Variants in PLEKHG1 observed in about 807,000 individuals in gnomAD.
The protein encoded by PLEKHG1 is pleckstrin homology and RhoGEF domain containing G1, also known as pleckstrin homology domain-containing family G member 1.
PLEKHG1 carries 44 observed loss-of-function variants against 100.8 expected under a neutral mutation model. That is an observed-to-expected ratio of 0.44 (90% CI 0.34 to 0.56). The LOEUF (loss-of-function observed/expected upper bound fraction) is 0.56, where lower values mean the gene tolerates loss of function less well. Ranked by LOEUF, PLEKHG1 falls within the 20% of genes least tolerant of loss-of-function variation. The pLI is 0.01. For missense variants in PLEKHG1, 1,545 were observed against 1,720.9 expected (o/e 0.90, Z 1.81); for synonymous variants, 640 against 662.5 (o/e 0.97, Z 0.52).
At chr6:150,660,706 A>T (rs1779150422) in intron 3 of PLEKHG1, among the ~76,000 whole-genome samples, 1 of 152,244 alleles carries the variant, frequency 6.6e-6, no homozygotes, top group African/African-American at 2.4e-5. Context: ...GGAGCTTTGA[A>T]GGCCTCTTCT....
chr6:150,663,903 A>G (rs1779304528), intron 3 of PLEKHG1: 1 of 152,062 alleles, frequency 6.6e-6, no homozygotes, highest in African/African-American at 2.4e-5. Context: ...TGTACCTTTT[A>G]TCTCCCACTC....
chr6:150,676,808 C>T (rs1779769950), intron 3 of PLEKHG1, among the ~76,000 whole-genome samples: 1 of 152,188 alleles, frequency 6.6e-6, no homozygotes, highest in African/African-American at 2.4e-5. Context: ...GAGTCACCCA[C>T]CACCCTATAA....
intron 2 of PLEKHG1, among the ~76,000 whole-genome samples, chr6:150,738,113 C>T (rs146689516): frequency 6.4e-4 from 98 of 152,250 alleles, no homozygotes; most frequent in African/African-American, 2.3e-3. Flanking sequence ...TGAGCCCAGC[C>T]TTAGCTGGCT....
chr6:150,606,237 A>T (rs1582796140), intron 1 of PLEKHG1, among the ~76,000 whole-genome samples: 2 of 152,214 alleles, frequency 1.3e-5, no homozygotes, highest in Admixed American at 1.3e-4. Flanking sequence ...TTGCAGCCGG[A>T]TAATTCCTTT....
chr6:150,760,348 A>G (rs1024023228), intron 2 of PLEKHG1, among the ~76,000 whole-genome samples: 1 of 152,228 alleles, frequency 6.6e-6, no homozygotes, highest in Non-Finnish European at 1.5e-5. Context: ...GTAAAAAGGT[A>G]GTTTAAAAAA....
At chr6:150,764,113 T>TTTTC (rs1198169589) in intron 2 of PLEKHG1, among the ~76,000 whole-genome samples, 5 of 125,054 alleles carry the variant, frequency 4.0e-5, no homozygotes, top group Non-Finnish European at 6.3e-5. Flanking sequence ...CCTATTTTCT[T>TTTTC]TTTCTTTTTC....
At chr6:150,674,554 C>T (rs1048051516) in intron 3 of PLEKHG1, among the ~76,000 whole-genome samples, 1 of 151,634 alleles carries the variant, frequency 6.6e-6, no homozygotes, top group Non-Finnish European at 1.5e-5. Flanking sequence ...TATAGACCTA[C>T]ACTTATGGCA....
chr6:150,788,898 C>T (rs1327812983), intron 4 of PLEKHG1, among the ~76,000 whole-genome samples: 1 of 152,216 alleles, frequency 6.6e-6, no homozygotes, highest in Non-Finnish European at 1.5e-5. Context: ...CATGCACACA[C>T]ACAAGCATGC....
At chr6:150,787,756 A>G (rs1562519085) in intron 4 of PLEKHG1, among the ~76,000 whole-genome samples, 1 of 152,198 alleles carries the variant, frequency 6.6e-6, no homozygotes, top group Non-Finnish European at 1.5e-5. Flanking sequence ...AGTTCCTTAA[A>G]GGCACAATCC....
At chr6:150,718,909 T>TTG (rs748911795), upstream of PLEKHG1, among the ~76,000 whole-genome samples, 6 of 151,944 alleles carry the variant, frequency 3.9e-5, no homozygotes, top group African/African-American at 7.3e-5. Flanking sequence ...AAAAATGTGT[T>TTG]TGTGTGTGTG....
rs367848337 is a variant in PLEKHG1, at chr6:150,788,538, T to C, written c.582+2079T>C. 2.9e-4 allele frequency among the ~76,000 whole-genome samples: 44 copies of C among 152,324 alleles called. 1 individual carries two copies. Among genetic ancestry groups the C allele is most frequent in the African/African-American group, 9.4e-4 (39 of 41,576 alleles). On this transcript the variant is annotated intron_variant, in intron 4 of 15. Transcript: ENST00000358517. ...ATGGTTGCTTTTTACCTGATGCTCA[T>C]GGAAGAATGAACCCACAGTTCTCCT...
At position 150,745,643 on chromosome 6, in the gene PLEKHG1, G is replaced by A. The variant is rs138575700; in HGVS notation, c.411+11551G>A. 8.3e-3 allele frequency among the ~76,000 whole-genome samples: 1,235 copies of A among 149,532 alleles called. 21 individuals carry two copies. The highest frequency in any genetic ancestry group is 0.029 in the African/African-American group (1,172 of 40,588). On this transcript the variant is annotated intron_variant, in intron 2 of 15. Coordinates refer to ENST00000358517, the Ensembl canonical transcript of PLEKHG1. ...GGTTGCAGTGAGCCTAGATCACGCCGCTGCACTCCAGCCTGGGTGACAGAG... is the reference window on the plus strand; with the variant it reads ...GGTTGCAGTGAGCCTAGATCACGCCACTGCACTCCAGCCTGGGTGACAGAG...
rs1562427910 is a variant in PLEKHG1 at position 150,674,684 on chromosome 6, C to CTCT, written c.-99+23898_-99+23899insTCT. 2.2e-3 allele frequency among the ~76,000 whole-genome samples: 162 copies of CTCT among 73,338 alleles called. 4 individuals carry two copies. Among genetic ancestry groups the CTCT allele is most frequent in the South Asian group, 5.9e-3 (12 of 2,044 alleles). 48.1% of individuals were successfully genotyped at this position (73,338 alleles called of 152,430 possible). On this transcript the variant is annotated intron_variant, in intron 3 of 3. Transcript: ENST00000367326. Reference sequence around the variant, plus strand: ...CTCTCTCTCTCTCTCTCTCTCTCTCCCCCCTCTTCTCTTCTTTCCATGGAG... The same window carrying CTCT: ...CTCTCTCTCTCTCTCTCTCTCTCTCCTCTCCCCTCTTCTCTTCTTTCCATGGAG...
intron 3 of PLEKHG1, among the ~76,000 whole-genome samples, chr6:150,714,788 G>A (rs888760532): frequency 6.6e-6 from 1 of 151,900 alleles, no homozygotes; most frequent in African/African-American, 2.4e-5. Flanking sequence ...GTCTGCTTTA[G>A]ACCTATGTCT....
At position 150,733,864 on chromosome 6, in the gene PLEKHG1, G is replaced by A. The variant is rs145506185; in HGVS notation, c.183G>A (p.Pro61=). ...AACTGGAGCTGATTCCTGCCAGGCC[G>A]TTTTCCAGCAGCGAGCTGCAGAGGG... Residue 61 remains proline, a synonymous_variant, in exon 2 of 16, where the codon CCG becomes CCA. Coordinates refer to ENST00000358517, the Ensembl canonical transcript of PLEKHG1. 158 of 1,614,212 alleles carry A rather than the reference G, an allele frequency of 9.8e-5. No homozygotes were observed. The Middle Eastern group carries it at 2.0e-3, about 20-fold the overall frequency.
intron 3 of PLEKHG1, among the ~76,000 whole-genome samples, chr6:150,674,688 C>T (rs2128586647): frequency 9.4e-6 from 1 of 106,398 alleles, no homozygotes; most frequent in East Asian, 3.3e-4. Flanking sequence ...TCTCTCCCCC[C>T]TCTTCTCTTC....
chr6:150,749,549 A>C (rs984943591), intron 2 of PLEKHG1, among the ~76,000 whole-genome samples: 2 of 152,138 alleles, frequency 1.3e-5, no homozygotes, highest in Non-Finnish European at 2.9e-5. Flanking sequence ...GGCACCCGCT[A>C]TCCTGTAAGA....
At chr6:150,719,636 C>T (rs1178195797), upstream of PLEKHG1, among the ~76,000 whole-genome samples, 1 of 152,112 alleles carries the variant, frequency 6.6e-6, no homozygotes, top group East Asian at 1.9e-4. Flanking sequence ...CAAACGGGAG[C>T]TTGATGTGAG....
chr6:150,816,137 C>A (rs180820120), intron 10 of PLEKHG1, among the ~76,000 whole-genome samples: 1 of 152,160 alleles, frequency 6.6e-6, no homozygotes, highest in Non-Finnish European at 1.5e-5. Flanking sequence ...GACAGCGACA[C>A]CCCAAGTGTG....
Sources: allele counts gnomAD v4.1 joint callset (sites outside exome capture counted in the v4.1 genomes callset), GRCh38; gene constraint gnomAD v4.1.1; transcripts MANE v1.5; gene names NCBI Gene and HGNC (gene_info 2026-07-23, HGNC 2026-07-21).